The following JPH1 variants were observed in gnomAD, a reference collection of about 807,000 sequenced individuals.
The protein encoded by JPH1 is junctophilin-1.
A neutral mutation model predicts 53.6 loss-of-function variants in JPH1; 12 were observed. The ratio of observed to expected loss-of-function variants is 0.22; its 90% confidence interval spans 0.14 to 0.36. The LOEUF (loss-of-function observed/expected upper bound fraction) is 0.36, where lower values mean the gene tolerates loss of function less well. Ranked by LOEUF, JPH1 falls within the 10% of genes least tolerant of loss-of-function variation. The pLI is 1.00. For synonymous variants in JPH1, 375 were observed against 363.8 expected, an observed-to-expected ratio of 1.03 and a Z score of -0.35; for missense variants, 808 against 905.5, an observed-to-expected ratio of 0.89 and a Z score of 1.38.
chr8:74,304,472 G>T (rs1807775976), intron 2 of JPH1, among the ~76,000 whole-genome samples: 1 of 152,184 alleles, frequency 6.6e-6, no homozygotes, highest in African/African-American at 2.4e-5. Context: ...GGGGCAGTAA[G>T]CCCCATCATC....
chr8:74,321,350 A>G lies in JPH1; in HGVS notation c.-63T>C. 7.0e-7 allele frequency: 1 copy of G among 1,429,896 alleles called. No homozygotes were observed. The highest frequency in any genetic ancestry group is 9.1e-7 in the Non-Finnish European group (1 of 1,093,780). The allele number at this position is 1,429,896 out of a possible 1,614,324, so 88.6% of individuals were successfully genotyped here. A position where few individuals can be genotyped will look rare whatever the true frequency, so the allele number is the denominator to read the frequency against. ...GGACGCGGGCAGTGCTGGGCACGGCAGGGTGTAGCTCGGGGGTGGGGGCCC... is the reference window on the plus strand; with the variant it reads ...GGACGCGGGCAGTGCTGGGCACGGCGGGGTGTAGCTCGGGGGTGGGGGCCC... On this transcript the variant is annotated 5_prime_UTR_variant, in exon 1 of 6. Coordinates refer to ENST00000342232, the MANE Select transcript of JPH1 (RefSeq NM_020647.4). This position sits in a 1 kb window ranked among gnomAD's most constrained non-coding sequence, Gnocchi z 4.3.
intron 2 of JPH1, among the ~76,000 whole-genome samples, chr8:74,286,544 C>T (rs967867854): frequency 3.1e-5 from 4 of 130,244 alleles, no homozygotes; most frequent in African/African-American, 1.3e-4. Context: ...ACTTTGTACC[C>T]ATTGGCCAAC....
intron 3 of JPH1, among the ~76,000 whole-genome samples, chr8:74,245,754 G>C (rs1805843187): frequency 6.6e-6 from 1 of 152,040 alleles, no homozygotes; most frequent in East Asian, 1.9e-4. Context: ...AGGTATCAAA[G>C]TCAAGACAAG....
chr8:74,301,092 C>G (rs781443755), intron 2 of JPH1, among the ~76,000 whole-genome samples: 1 of 152,180 alleles, frequency 6.6e-6, no homozygotes, highest in African/African-American at 2.4e-5. Flanking sequence ...AGACTTGCCT[C>G]TGTTCCTAAC....
At chr8:74,313,925 A>T (rs1024347682) in intron 2 of JPH1, among the ~76,000 whole-genome samples, 3 of 152,184 alleles carry the variant, frequency 2.0e-5, no homozygotes, top group Non-Finnish European at 4.4e-5. Context: ...TCCTTCCCTA[A>T]TAGAACTTTA....
Position 74,321,290 on chromosome 8 carries a change from G to C in JPH1, c.-3C>G, listed in dbSNP as rs762479625. ...AAGTCGAACCTTCCGCCCGTCATTC[G>C]GGGGGCAGCCCCGGCGCGCTCCCCG... On this transcript the variant is annotated 5_prime_UTR_variant, in exon 1 of 6. Coordinates refer to ENST00000342232, the MANE Select transcript of JPH1 (RefSeq NM_020647.4). The surrounding 1 kb of genome is among the most constrained non-coding windows in gnomAD (Gnocchi z 4.3). 1.3e-6 allele frequency: 2 copies of C among 1,558,880 alleles called. No homozygotes were observed. Among genetic ancestry groups the C allele is most frequent in the Non-Finnish European group, 1.7e-6 (2 of 1,152,644 alleles).
intron 2 of JPH1, among the ~76,000 whole-genome samples, chr8:74,294,884 T>G (rs1381802590): frequency 6.6e-6 from 1 of 152,244 alleles, no homozygotes; most frequent in African/African-American, 2.4e-5. Context: ...TCTTTTCCCA[T>G]TTTGCTGATG....
intron 2 of JPH1, among the ~76,000 whole-genome samples, chr8:74,272,805 C>CAGGATGTTTCACCAG: frequency 6.6e-6 from 1 of 151,896 alleles, no homozygotes; most frequent in African/African-American, 2.4e-5. Flanking sequence ...GGGGTTTCAC[C>CAGGATGTTTCACCAG]GTGTTAGCCA....
chr8:74,306,923 A>T (rs1807853899), intron 2 of JPH1, among the ~76,000 whole-genome samples: 6 of 152,244 alleles, frequency 3.9e-5, no homozygotes, highest in Admixed American at 3.9e-4. Context: ...ATATAAAGGT[A>T]AGACCTTTAT....
intron 3 of JPH1, among the ~76,000 whole-genome samples, chr8:74,257,053 A>G (rs1806259893): frequency 6.6e-6 from 1 of 152,204 alleles, no homozygotes; most frequent in Admixed American, 6.5e-5. Context: ...TGTAAATGCA[A>G]AGTGGAGAGC....
intron 2 of JPH1, among the ~76,000 whole-genome samples, chr8:74,297,840 T>C (rs1315970974): frequency 6.6e-6 from 1 of 152,246 alleles, no homozygotes; most frequent in African/African-American, 2.4e-5. Flanking sequence ...GTGTGATGAC[T>C]ACTCTTATTA....
chr8:74,311,962 A>C (rs897800548), intron 2 of JPH1, among the ~76,000 whole-genome samples: 4 of 152,116 alleles, frequency 2.6e-5, no homozygotes, highest in Non-Finnish European at 4.4e-5. Flanking sequence ...GCTATTGTGA[A>C]TAATTTTTAA....
intron 2 of JPH1, among the ~76,000 whole-genome samples, chr8:74,290,215 A>AATCCC (rs1807283848): frequency 6.6e-6 from 1 of 152,234 alleles, no homozygotes; most frequent in Non-Finnish European, 1.5e-5. Flanking sequence ...TGCAGATGAC[A>AATCCC]TGATTGTATA....
chr8:74,283,183 T>C (rs1272095712), intron 2 of JPH1, among the ~76,000 whole-genome samples: 1 of 152,118 alleles, frequency 6.6e-6, no homozygotes, highest in Non-Finnish European at 1.5e-5. Flanking sequence ...ATCTTAAAAC[T>C]GTGCTGAGTG....
At chr8:74,251,807 A>T (rs55782851) in intron 3 of JPH1, among the ~76,000 whole-genome samples, 2,124 of 152,294 alleles carry the variant, frequency 0.014, 63 homozygotes, top group African/African-American at 0.049. Context: ...TCTTCACAGA[A>T]TTGGAAAAAA....
At chr8:74,296,479 A>G (rs1279279430) in intron 2 of JPH1, among the ~76,000 whole-genome samples, 6 of 152,220 alleles carry the variant, frequency 3.9e-5, no homozygotes, top group Non-Finnish European at 8.8e-5. Context: ...GTATTTATTC[A>G]GGCTTCTAAA....
chr8:74,318,390 G>A (rs955260100), intron 1 of JPH1, among the ~76,000 whole-genome samples: 2 of 152,132 alleles, frequency 1.3e-5, no homozygotes, highest in African/African-American at 4.8e-5. Context: ...TGCTCCGAAT[G>A]GGTATGTGCA....
chr8:74,274,634 A>T (rs1166814979), intron 2 of JPH1, among the ~76,000 whole-genome samples: 2 of 152,190 alleles, frequency 1.3e-5, no homozygotes, highest in African/African-American at 4.8e-5. Flanking sequence ...CGAGAAGAAA[A>T]ATAGGTCAGA....
chr8:74,315,743 C>T lies in JPH1; in HGVS notation c.380-123G>A. ...AATCTGACCCATTTCCAAGTCAACC[C>T]TGGGGGATACTTTGCATCCACTTGT... On this transcript the variant is annotated intron_variant, in intron 1 of 5. Transcript: ENST00000342232. This position sits in a 1 kb window ranked among gnomAD's most constrained non-coding sequence, Gnocchi z 6.3. 1 of 929,316 alleles carries T rather than the reference C, an allele frequency of 1.1e-6. No homozygotes were observed. 57.6% of individuals were successfully genotyped at this position (929,316 alleles called of 1,614,324 possible). A position where few individuals can be genotyped will look rare whatever the true frequency, so the allele number is the denominator to read the frequency against.
Sources: allele counts gnomAD v4.1 joint callset (sites outside exome capture counted in the v4.1 genomes callset), GRCh38; gene constraint gnomAD v4.1.1; non-coding constraint Gnocchi (gnomAD v3.1); transcripts MANE v1.5; gene names NCBI Gene and HGNC (gene_info 2026-07-23, HGNC 2026-07-21).